The following UTRN variants were observed in gnomAD, a reference collection of about 807,000 sequenced individuals.
UTRN encodes the protein utrophin, also known as dystrophin-related protein 1.
A neutral mutation model predicts 463.9 loss-of-function variants in UTRN; 283 were observed. The observed-to-expected ratio is 0.61, with a 90% CI of 0.55 to 0.67. The LOEUF is 0.67. UTRN is among the 30% of genes least tolerant of loss of function. UTRN has a pLI of 0.00. For synonymous variants in UTRN, 1,442 were observed against 1,431.5 expected (o/e 1.01, Z -0.17); for missense variants, 3,922 against 4,084.3 (o/e 0.96, Z 1.08).
rs1176895468 is a variant in UTRN at position 144,851,823 on chromosome 6, T to C, written c.*826T>C. On this transcript the variant is annotated 3_prime_UTR_variant, in exon 75 of 75. Coordinates refer to ENST00000367545, the MANE Select transcript of UTRN (RefSeq NM_007124.3). Reference sequence around the variant, plus strand: ...TCTTAATCTATTTGATAAAGAAGACTACATTATAATAATCTCAAAGATCAT... The same window carrying C: ...TCTTAATCTATTTGATAAAGAAGACCACATTATAATAATCTCAAAGATCAT... The C allele has an allele frequency of 1.3e-5, 2 of 152,186 alleles. No homozygotes were observed. Among genetic ancestry groups the C allele is most frequent in the Admixed American group, 1.3e-4 (2 of 15,266 alleles). 9.4% of individuals were successfully genotyped at this position (152,186 alleles called of 1,614,324 possible). A position where few individuals can be genotyped will look rare whatever the true frequency, so the allele number is the denominator to read the frequency against.
Position 144,562,176 on chromosome 6 carries a change from A to C in UTRN, c.7289+4865A>C, listed in dbSNP as rs574863931. 3.3e-5 allele frequency among the ~76,000 whole-genome samples: 5 copies of C among 152,308 alleles called. No individual in the cohort carries two copies. The East Asian group carries it at 9.6e-4, about 29-fold the overall frequency. ...GGGAAGAAAAGATACGGAATTTAAA[A>C]AGACACAATTATTTATTTAAAAAAA... On this transcript the variant is annotated intron_variant, in intron 50 of 74. Transcript: ENST00000367545.
intron 63 of UTRN, 55 bp from the exon 64 acceptor site, chr6:144,797,769 C>G: frequency 6.4e-7 from 1 of 1,562,640 alleles, no homozygotes; most frequent in Non-Finnish European, 8.7e-7. Flanking sequence ...ACAACACTAG[C>G]TACAGTTTAA....
intron 2 of UTRN, among the ~76,000 whole-genome samples, chr6:144,402,193 A>C (rs1782990906): frequency 1.3e-5 from 2 of 152,198 alleles, no homozygotes; most frequent in South Asian, 4.1e-4. Flanking sequence ...CGAGCTGAAC[A>C]CCAGCTCTTC....
intron 52 of UTRN, among the ~76,000 whole-genome samples, chr6:144,683,195 AGTCACTG>A (rs1381393212): frequency 6.6e-6 from 1 of 152,222 alleles, no homozygotes; most frequent in African/African-American, 2.4e-5. Flanking sequence ...AATCACCAGC[AGTCACTG>A]GGCAAGGTGG....
chr6:144,336,087 A>G (rs897418569), intron 2 of UTRN, among the ~76,000 whole-genome samples: 1 of 152,154 alleles, frequency 6.6e-6, no homozygotes, highest in African/African-American at 2.4e-5. Context: ...AGTGGCCAAC[A>G]TCCTCAGATT....
chr6:144,653,757 CAT>C (rs959588178), intron 51 of UTRN, among the ~76,000 whole-genome samples: 6 of 152,212 alleles, frequency 3.9e-5, no homozygotes, highest in South Asian at 2.1e-4. Context: ...TGTCTGTACA[CAT>C]GTTTGCAAAT....
intron 7 of UTRN, among the ~76,000 whole-genome samples, 159 bp from the exon 8 acceptor site, chr6:144,428,619 T>A (rs1376877492): frequency 6.6e-6 from 1 of 152,130 alleles, no homozygotes; most frequent in East Asian, 1.9e-4. Context: ...GTGAATTAAT[T>A]TCAAGTATGT....
chr6:144,651,200 C>G (rs898106330), intron 51 of UTRN, among the ~76,000 whole-genome samples: 2 of 151,704 alleles, frequency 1.3e-5, no homozygotes, highest in Admixed American at 1.3e-4. Flanking sequence ...TATATGAAAA[C>G]TAGTGGAACC....
At chr6:144,572,556 C>T (rs1445062571) in intron 50 of UTRN, among the ~76,000 whole-genome samples, 1 of 151,976 alleles carries the variant, frequency 6.6e-6, no homozygotes, top group East Asian at 1.9e-4. Context: ...TTGCCCCCCA[C>T]CCCCTGACAG....
chr6:144,378,667 G>C (rs371549993), intron 2 of UTRN, among the ~76,000 whole-genome samples: 1 of 152,152 alleles, frequency 6.6e-6, no homozygotes, highest in Admixed American at 6.5e-5. Context: ...AGGAGGGTGA[G>C]TGTTTCAAGA....
At chr6:144,694,767 T>A (rs1188998311) in intron 52 of UTRN, among the ~76,000 whole-genome samples, 2 of 151,934 alleles carry the variant, frequency 1.3e-5, no homozygotes, top group Non-Finnish European at 2.9e-5. Context: ...TTTATTTGAG[T>A]CTTCTCTCTT....
intron 19 of UTRN, among the ~76,000 whole-genome samples, chr6:144,457,998 G>A (rs1359801411): frequency 6.6e-6 from 1 of 152,012 alleles, no homozygotes; most frequent in Non-Finnish European, 1.5e-5. Flanking sequence ...TTAGATTAAG[G>A]GAAGGACTAT....
In UTRN at chr6:144,793,595, A is replaced by AC. The variant is rs199932522; in HGVS notation, c.8921-236dup. 3.1e-3 allele frequency among the ~76,000 whole-genome samples: 475 copies of AC among 152,294 alleles called. 18 individuals carry two copies. The East Asian group carries it at 0.076, about 24-fold the overall frequency. The stretch of plus-strand genomic sequence containing the variant: ...TGATTTATGTTTATATGTATACATA[A>AC]CCCATTCTTGCAGGAACGGGTTAAC... On this transcript the variant is annotated intron_variant, in intron 62 of 74. Transcript: ENST00000367545.
chr6:144,552,606 C>G (rs919083523), intron 48 of UTRN, among the ~76,000 whole-genome samples: 3 of 152,140 alleles, frequency 2.0e-5, no homozygotes, highest in African/African-American at 7.2e-5. Context: ...TCTATTTTCT[C>G]TCTATATATA....
At chr6:144,394,963 A>C (rs1300302362) in intron 2 of UTRN, among the ~76,000 whole-genome samples, 1 of 152,180 alleles carries the variant, frequency 6.6e-6, no homozygotes, top group East Asian at 1.9e-4. Context: ...TGGTTTTTAC[A>C]TTCAAAATGT....
At chr6:144,536,318 C>A (rs1437431252) in intron 43 of UTRN, among the ~76,000 whole-genome samples, 1 of 152,034 alleles carries the variant, frequency 6.6e-6, no homozygotes, top group Non-Finnish European at 1.5e-5. Flanking sequence ...AATTTCAACT[C>A]TTTTTTAGAA....
intron 51 of UTRN, among the ~76,000 whole-genome samples, chr6:144,610,629 C>A (rs1318090465): frequency 1.3e-5 from 2 of 152,340 alleles, no homozygotes; most frequent in Admixed American, 6.5e-5. Context: ...AATCCCAGCA[C>A]TTTGGGAGGC....
intron 58 of UTRN, among the ~76,000 whole-genome samples, chr6:144,762,518 A>G (rs1195035968): frequency 2.0e-5 from 3 of 152,222 alleles, no homozygotes; most frequent in African/African-American, 4.8e-5. Flanking sequence ...GCCGTTGTAT[A>G]GGCTTTTCCA....
At chr6:144,353,116 G>A (rs114031767) in intron 2 of UTRN, among the ~76,000 whole-genome samples, 14 of 151,514 alleles carry the variant, frequency 9.2e-5, no homozygotes, top group Admixed American at 5.9e-4. Flanking sequence ...CTCATTTTTC[G>A]GATTTTTTTT....
Sources: allele counts gnomAD v4.1 joint callset (sites outside exome capture counted in the v4.1 genomes callset), GRCh38; gene constraint gnomAD v4.1.1; transcripts MANE v1.5; gene names NCBI Gene and HGNC (gene_info 2026-07-23, HGNC 2026-07-21).